Variants in RAD51B observed in about 807,000 individuals in gnomAD.
RAD51B encodes RAD51 paralog B.
Under a neutral mutation model 42.2 loss-of-function variants are expected in RAD51B, and 38 were observed. The observed-to-expected ratio is 0.90, with a 90% confidence interval of 0.70 to 1.18. The LOEUF (loss-of-function observed/expected upper bound fraction) is 1.18, where lower values mean the gene tolerates loss of function less well. Ranked by LOEUF, RAD51B falls within the 50% of genes most tolerant of loss-of-function variation. RAD51B has a pLI of 0.00. For missense variants in RAD51B, 373 were observed against 400.7 expected, an observed-to-expected ratio of 0.93 and a Z score of 0.59; for synonymous variants, 154 against 145.2, an observed-to-expected ratio of 1.06 and a Z score of -0.43.
chr14:67,902,323 A>C (rs188474601), intron 7 of RAD51B, among the ~76,000 whole-genome samples: 8 of 152,246 alleles, frequency 5.3e-5, no homozygotes, highest in Admixed American at 2.0e-4. Context: ...ATATTTATCT[A>C]TATTTCTGAA....
intron 7 of RAD51B, among the ~76,000 whole-genome samples, chr14:68,059,611 A>C (rs2076537204): frequency 6.6e-6 from 1 of 152,208 alleles, no homozygotes; most frequent in African/African-American, 2.4e-5. Context: ...TTTAAAACTT[A>C]GGTCATATAC....
chr14:68,109,347 T>C (rs2077425291), intron 7 of RAD51B, among the ~76,000 whole-genome samples: 1 of 152,034 alleles, frequency 6.6e-6, no homozygotes, highest in South Asian at 2.1e-4. Flanking sequence ...TATGAATTCA[T>C]ACATGTCTCT....
chr14:68,587,637 C>T (rs1033383478), intron 10 of RAD51B, among the ~76,000 whole-genome samples: 1 of 152,092 alleles, frequency 6.6e-6, no homozygotes, highest in Non-Finnish European at 1.5e-5. Context: ...GATCCAGAAC[C>T]GTATCAAGTC....
At chr14:68,663,374 G>T (rs2093101) in intron 11 of RAD51B, among the ~76,000 whole-genome samples, 82,040 of 151,692 alleles carry the variant, frequency 0.54, 22,679 homozygotes, top group East Asian at 0.86. Context: ...TATCCTCCTG[G>T]TTCTACTGTA....
intron 10 of RAD51B, among the ~76,000 whole-genome samples, chr14:68,488,341 G>A (rs901277856): frequency 9.2e-5 from 14 of 151,888 alleles, no homozygotes; most frequent in Middle Eastern, 3.4e-3. Context: ...AGAGCCTACC[G>A]TATATAAAGG....
chr14:68,063,272 A>G (rs1350503002), intron 7 of RAD51B, among the ~76,000 whole-genome samples: 1 of 151,942 alleles, frequency 6.6e-6, no homozygotes, highest in Admixed American at 6.6e-5. Context: ...TGATTTACAT[A>G]TTTATTCTTG....
chr14:67,922,489 A>G (rs1280091687), intron 7 of RAD51B, among the ~76,000 whole-genome samples: 5 of 152,004 alleles, frequency 3.3e-5, no homozygotes, highest in Admixed American at 1.3e-4. Flanking sequence ...TAAGTAAAAG[A>G]TCTCAATGGA....
chr14:68,528,316 T>G (rs1326952890), intron 10 of RAD51B, among the ~76,000 whole-genome samples: 1 of 152,242 alleles, frequency 6.6e-6, no homozygotes, highest in African/African-American at 2.4e-5. Flanking sequence ...AATACTCAAT[T>G]ACAGTAATAA....
chr14:68,103,624 G>A (rs1410991337), intron 7 of RAD51B, among the ~76,000 whole-genome samples: 4 of 152,130 alleles, frequency 2.6e-5, no homozygotes, highest in Admixed American at 1.3e-4. Flanking sequence ...AGTGTGCAAA[G>A]TTAATTTAAA....
intron 7 of RAD51B, among the ~76,000 whole-genome samples, chr14:67,978,872 G>A (rs2075041314): frequency 6.6e-6 from 1 of 152,008 alleles, no homozygotes; most frequent in Non-Finnish European, 1.5e-5. Context: ...ATTTCCTTCT[G>A]AAAAAAGGAA....
rs1363273181 is a variant in RAD51B at position 68,545,018 on chromosome 14, T to C, written c.1037-49467T>C. ...GGAGTTAGGTTTCACTTAAGGTCCTTGGGAATAAATAAATATTCTGTCACT... is the reference window on the plus strand; with the variant it reads ...GGAGTTAGGTTTCACTTAAGGTCCTCGGGAATAAATAAATATTCTGTCACT... On this transcript the variant is annotated intron_variant, in intron 10 of 10. Coordinates refer to the RAD51B transcript ENST00000487270. 2.0e-5 allele frequency among the ~76,000 whole-genome samples: 3 copies of C among 152,168 alleles called. No homozygotes were observed. The East Asian group carries it at 5.8e-4, about 29-fold the overall frequency.
At chr14:67,841,963 G>C (rs1397506863) in intron 4 of RAD51B, among the ~76,000 whole-genome samples, 1 of 152,122 alleles carries the variant, frequency 6.6e-6, no homozygotes, top group Non-Finnish European at 1.5e-5. Context: ...ATTTGAATCT[G>C]TACATTGCTT....
intron 9 of RAD51B, among the ~76,000 whole-genome samples, chr14:68,420,413 T>C (rs77676291): frequency 0.019 from 2,923 of 152,206 alleles, 105 homozygotes; most frequent in African/African-American, 0.064. Flanking sequence ...CCCGAAGAGC[T>C]GCTGGCTCGC....
intron 10 of RAD51B, among the ~76,000 whole-genome samples, chr14:68,487,190 G>A (rs559266486): frequency 2.0e-5 from 3 of 152,160 alleles, no homozygotes; most frequent in Non-Finnish European, 2.9e-5. Flanking sequence ...CTGGAAATCC[G>A]CAATCCAGGC....
intron 7 of RAD51B, among the ~76,000 whole-genome samples, chr14:68,031,758 G>A (rs2076047303): frequency 6.6e-6 from 1 of 152,126 alleles, no homozygotes; most frequent in African/African-American, 2.4e-5. Context: ...TTTCTATCTT[G>A]ATCCTCAGCA....
At chr14:68,467,157 TC>T (rs1228652632) in intron 9 of RAD51B, among the ~76,000 whole-genome samples, 1 of 152,206 alleles carries the variant, frequency 6.6e-6, no homozygotes, top group Non-Finnish European at 1.5e-5. Context: ...AATAAAATAA[TC>T]TACTAATTAT....
rs1281801239 is a variant in RAD51B, at chr14:67,893,503, C to CAA, written c.756+6300_756+6301insAA. 2.5e-3 allele frequency among the ~76,000 whole-genome samples: 246 copies of CAA among 98,984 alleles called. 3 individuals carry two copies. Among genetic ancestry groups the CAA allele is most frequent in the African/African-American group, 0.012 (233 of 19,450 alleles). The allele number at this position is 98,984 out of a possible 152,430, so 64.9% of individuals were successfully genotyped here. On this transcript the variant is annotated intron_variant, in intron 7 of 10. Transcript: ENST00000471583. ...ACACACACACACACACACACACACA[C>CAA]ACACACAAAAAAAAACAATTAGCTG...
At chr14:68,453,829 T>TA (rs1282409889) in intron 9 of RAD51B, among the ~76,000 whole-genome samples, 3 of 152,140 alleles carry the variant, frequency 2.0e-5, no homozygotes, top group African/African-American at 4.8e-5. Context: ...GTATTTTTAG[T>TA]AAAAAAATAT....
downstream of RAD51B, among the ~76,000 whole-genome samples, chr14:68,612,114 T>C (rs1159559977): frequency 2.0e-5 from 3 of 152,152 alleles, no homozygotes; most frequent in African/African-American, 7.2e-5. Flanking sequence ...GACAGAAAAA[T>C]AGCTGTTGCT....
Sources: gnomAD v4.1 joint callset for allele counts (sites outside exome capture counted in the v4.1 genomes callset) on GRCh38, gnomAD v4.1.1 for gene constraint, MANE v1.5 for transcripts, NCBI Gene and HGNC (gene_info 2026-07-23, HGNC 2026-07-21) for gene names.